CTXN3: variants seen among roughly 807,000 people sequenced by gnomAD.
CTXN3 encodes the protein cortexin 3.
In CTXN3, 4 loss-of-function variants were observed where a neutral mutation model predicts 5.0. The observed-to-expected ratio is 0.79, with a 90% CI of 0.39 to 1.82. The LOEUF is 1.82. CTXN3 is among the 40% of genes most tolerant of loss of function. The probability of loss-of-function intolerance (pLI) is 0.04; values close to 1 mark genes in which losing one functional copy is unlikely to be tolerated. For missense variants in CTXN3, 89 were observed against 99.7 expected (o/e 0.89, Z 0.46); for synonymous variants, 48 against 38.6 (o/e 1.24, Z -0.91).
rs1160601406 is a variant in CTXN3 at position 127,649,155 on chromosome 5, T to TA, written c.-438dup. 1 of 152,208 alleles carries TA rather than the reference T, an allele frequency of 6.6e-6. No homozygotes were observed. Among genetic ancestry groups the TA allele is most frequent in the East Asian group, 1.9e-4 (1 of 5,194 alleles). The allele number at this position is 152,208 out of a possible 1,614,324, so 9.4% of individuals were successfully genotyped here. A position where few individuals can be genotyped will look rare whatever the true frequency, so the allele number is the denominator to read the frequency against. On this transcript the variant is annotated 5_prime_UTR_variant, in exon 1 of 3. In the 5' UTR this introduces an upstream ATG that the reference lacks. Transcript: ENST00000379445. The stretch of plus-strand genomic sequence containing the variant: ...TCAAAGAAGCAGCAGTATTGGCCGT[T>TA]AATGATGCCTCACACAGAAAGACGA...
intron 1 of CTXN3, chr5:127,651,881 A>G (rs1294773044): frequency 6.6e-6 from 1 of 152,134 alleles, no homozygotes; most frequent in African/African-American, 2.4e-5. Context: ...TCTTCAGAGA[A>G]AGTATTTTTT....
At position 127,657,408 on chromosome 5, in the gene CTXN3, C is replaced by A; in HGVS notation, c.-99-15C>A. On this transcript the variant is annotated splice_polypyrimidine_tract_variant and intron_variant, in intron 2 of 2. Coordinates refer to ENST00000379445, the MANE Select transcript of CTXN3 (RefSeq NM_001048252.3). ...TATTTTATAGGTATTCCTTTCCCTT[C>A]CTTTTTCCCTGCAGATAACTCAGCC... The A allele has an allele frequency of 8.3e-7, 1 of 1,211,162 alleles. No individual in the cohort carries two copies. The highest frequency in any genetic ancestry group is 1.2e-6 in the Non-Finnish European group (1 of 862,110). 75.0% of individuals were successfully genotyped at this position (1,211,162 alleles called of 1,614,324 possible).
intron 1 of CTXN3, among the ~76,000 whole-genome samples, chr5:127,649,846 C>T (rs1001992885): frequency 2.6e-4 from 39 of 152,152 alleles, no homozygotes; most frequent in African/African-American, 9.2e-4. Flanking sequence ...GTGTGCAGCA[C>T]TATCCTTTTG....
intron 2 of CTXN3, among the ~76,000 whole-genome samples, chr5:127,654,006 C>A (rs1376894011): frequency 6.6e-6 from 1 of 152,182 alleles, no homozygotes; most frequent in Non-Finnish European, 1.5e-5. Flanking sequence ...CCAGGAGTCC[C>A]TCATTCCCAG....
Position 127,654,609 on chromosome 5 carries a change from C to T in CTXN3, c.-100+1186C>T, listed in dbSNP as rs370217503. On this transcript the variant is annotated intron_variant, in intron 2 of 2. Transcript: ENST00000379445. ...GCAGCCCCCAAATGAATGGTTTGCT[C>T]GCTGTAAATCCTGAGTTGTGGGTGA... 8.5e-5 allele frequency among the ~76,000 whole-genome samples: 13 copies of T among 152,236 alleles called. No individual in the cohort carries two copies. In the East Asian group the frequency reaches 9.7e-4, roughly 11 times the overall value.
chr5:127,650,632 A>G (rs1327503853), intron 1 of CTXN3, among the ~76,000 whole-genome samples: 1 of 152,192 alleles, frequency 6.6e-6, no homozygotes, highest in East Asian at 1.9e-4. Context: ...TATATGAAAT[A>G]TTTTGTATCT....
chr5:127,651,340 G>A (rs1580995092), intron 1 of CTXN3, among the ~76,000 whole-genome samples: 1 of 151,990 alleles, frequency 6.6e-6, no homozygotes, highest in East Asian at 1.9e-4. Context: ...GCAATTATGT[G>A]GTTTAGGAAT....
At position 127,657,443 on chromosome 5, in the gene CTXN3, T is replaced by G. The variant is rs931027130; in HGVS notation, c.-79T>G. Reference sequence around the variant, plus strand: ...TGCAGATAACTCAGCCTCTCCAGAGTGCAGCCACCATGACCTCCGCAGATT... The same window carrying G: ...TGCAGATAACTCAGCCTCTCCAGAGGGCAGCCACCATGACCTCCGCAGATT... On this transcript the variant is annotated 5_prime_UTR_variant, in exon 3 of 3. Coordinates refer to ENST00000379445, the MANE Select transcript of CTXN3 (RefSeq NM_001048252.3). 1.3e-6 allele frequency: 2 copies of G among 1,543,340 alleles called. No individual in the cohort carries two copies. The highest frequency in any genetic ancestry group is 2.7e-5 in the African/African-American group (2 of 73,530).
Position 127,657,405 on chromosome 5 carries a change from C to T in CTXN3, c.-99-18C>T. On this transcript the variant is annotated intron_variant, in intron 2 of 2. Coordinates refer to ENST00000379445, the MANE Select transcript of CTXN3 (RefSeq NM_001048252.3). ...TGCTATTTTATAGGTATTCCTTTCC[C>T]TTCCTTTTTCCCTGCAGATAACTCA... 1 of 1,186,548 alleles carries T rather than the reference C, an allele frequency of 8.4e-7. No homozygotes were observed. Among genetic ancestry groups the T allele is most frequent in the Non-Finnish European group, 1.2e-6 (1 of 842,208 alleles). The allele number at this position is 1,186,548 out of a possible 1,614,324, so 73.5% of individuals were successfully genotyped here. A position where few individuals can be genotyped will look rare whatever the true frequency, so the allele number is the denominator to read the frequency against.
At chr5:127,650,932 G>A (rs746927388) in intron 1 of CTXN3, among the ~76,000 whole-genome samples, 2 of 151,994 alleles carry the variant, frequency 1.3e-5, no homozygotes, top group African/African-American at 2.4e-5. Context: ...AAGTAGAGAG[G>A]GATTCTATTT....
At position 127,657,981 on chromosome 5, in the gene CTXN3, A is replaced by T. The variant is rs924472572; in HGVS notation, c.*214A>T. The T allele has an allele frequency of 1.9e-4, 109 of 572,776 alleles. No individual in the cohort carries two copies. The highest frequency in any genetic ancestry group is 1.0e-3 in the Middle Eastern group (2 of 1,998). 35.5% of individuals were successfully genotyped at this position (572,776 alleles called of 1,614,324 possible). A position where few individuals can be genotyped will look rare whatever the true frequency, so the allele number is the denominator to read the frequency against. On this transcript the variant is annotated 3_prime_UTR_variant, in exon 3 of 3. Coordinates refer to ENST00000379445, the MANE Select transcript of CTXN3 (RefSeq NM_001048252.3). ...ACTAATCCAACATAAGAAGGTTTAAATTTTTATGTTTGCTCAATGAATGAG... is the reference window on the plus strand; with the variant it reads ...ACTAATCCAACATAAGAAGGTTTAATTTTTTATGTTTGCTCAATGAATGAG...
chr5:127,654,412 A>G (rs1174479442), intron 2 of CTXN3, among the ~76,000 whole-genome samples: 1 of 152,240 alleles, frequency 6.6e-6, no homozygotes, highest in African/African-American at 2.4e-5. Flanking sequence ...AGAGGATGGT[A>G]AAACTTCAAA....
chr5:127,650,860 T>G (rs777581315), intron 1 of CTXN3, among the ~76,000 whole-genome samples: 4 of 152,268 alleles, frequency 2.6e-5, no homozygotes, highest in East Asian at 1.9e-4. Context: ...GAGAATGAAA[T>G]GTACTTTGAG....
chr5:127,650,482 A>G (rs546926062), intron 1 of CTXN3, among the ~76,000 whole-genome samples: 5 of 152,294 alleles, frequency 3.3e-5, no homozygotes, highest in Admixed American at 3.3e-4. Context: ...GGAAAAAAAT[A>G]TAGAGATGTT....
At chr5:127,652,938 G>A (rs988932155) in intron 1 of CTXN3, 8 of 152,174 alleles carry the variant, frequency 5.3e-5, no homozygotes, top group Non-Finnish European at 1.2e-4. Context: ...TGTCAGCATA[G>A]GTCCTAATCT....
intron 1 of CTXN3, chr5:127,651,761 C>G (rs536048020): frequency 6.6e-6 from 1 of 151,790 alleles, no homozygotes; most frequent in Non-Finnish European, 1.5e-5. Flanking sequence ...AGAATCAAGT[C>G]CCTGTGTGTG....
At chr5:127,657,098 G>C (rs1279242455) in intron 2 of CTXN3, among the ~76,000 whole-genome samples, 1 of 152,190 alleles carries the variant, frequency 6.6e-6, no homozygotes, top group Non-Finnish European at 1.5e-5. Context: ...AGCAGGAGGA[G>C]ACTTGGCAGG....
intron 2 of CTXN3, 42 bp from the exon 3 acceptor site, chr5:127,657,381 G>T (rs1749932895): frequency 1.1e-6 from 1 of 881,472 alleles, no homozygotes; most frequent in Non-Finnish European, 1.7e-6. Context: ...AAATAAGGCT[G>T]CTATTTTATA....
intron 1 of CTXN3, chr5:127,652,868 A>G (rs1561420843): frequency 6.6e-6 from 1 of 152,204 alleles, no homozygotes; most frequent in African/African-American, 2.4e-5. Context: ...ACTAAATGTG[A>G]TTTGGTGTTG....
Sources: gnomAD v4.1 joint callset for allele counts (sites outside exome capture counted in the v4.1 genomes callset) on GRCh38, gnomAD v4.1.1 for gene constraint, MANE v1.5 for transcripts, NCBI Gene and HGNC (gene_info 2026-07-23, HGNC 2026-07-21) for gene names.